ABCG1: variants seen among roughly 807,000 people sequenced by gnomAD.
The protein encoded by ABCG1 is ATP-binding cassette sub-family G member 1.
Under a neutral mutation model 69.2 loss-of-function variants are expected in ABCG1, and 29 were observed. That is an observed-to-expected ratio of 0.42 (90% CI 0.31 to 0.57). The LOEUF is 0.57. ABCG1 is among the 20% of genes least tolerant of loss of function. ABCG1 has a pLI of 0.15. For missense variants in ABCG1, 718 were observed against 898.1 expected, an observed-to-expected ratio of 0.80 and a Z score of 2.56; for synonymous variants, 370 against 374.8, an observed-to-expected ratio of 0.99 and a Z score of 0.15.
At chr21:42,253,999 G>A (rs2068263243) in intron 2 of ABCG1, among the ~76,000 whole-genome samples, 1 of 152,248 alleles carries the variant, frequency 6.6e-6, no homozygotes, top group South Asian at 2.1e-4. Flanking sequence ...AGGCAGGAAG[G>A]AGACAGCTGC....
chr21:42,215,568 C>T (rs142316746), upstream of ABCG1, among the ~76,000 whole-genome samples: 212 of 152,298 alleles, frequency 1.4e-3, no homozygotes, highest in Non-Finnish European at 2.0e-3. Context: ...GAGCACATCA[C>T]CCTGGCCTGT....
intron 2 of ABCG1, among the ~76,000 whole-genome samples, chr21:42,226,317 G>A (rs975976985): frequency 6.6e-6 from 1 of 152,180 alleles, no homozygotes; most frequent in Non-Finnish European, 1.5e-5. Flanking sequence ...CCTCCCAAGC[G>A]TGAAGTGTTA....
intron 11 of ABCG1, among the ~76,000 whole-genome samples, chr21:42,290,446 A>C (rs1353041602): frequency 3.3e-5 from 5 of 152,258 alleles, no homozygotes; most frequent in Non-Finnish European, 5.9e-5. Context: ...AAGACTTTTA[A>C]GCATGATGGA....
At position 42,296,196 on chromosome 21, in the gene ABCG1, A is replaced by G; in HGVS notation, c.1805A>G (p.Tyr602Cys). ...YGFEGVILSI[Y>C]GLDREDLHCD... ...TTCGAAGGGGTCATCCTCTCCATCT[A>G]TGGCTTAGACCGGGAAGATCTGCAC... The change falls in exon 15 of 15, where the codon TAT becomes TGT. Residue 602 changes from tyrosine to cysteine, a missense_variant. Physicochemically the swap from Tyr to Cys is radical, Grantham distance 194. This residue lies in a region of ABCG1 where 204 missense variants were observed against 323.8 expected (regional missense o/e 0.63). Transcript: ENST00000398449. This position sits in a 1 kb window ranked among gnomAD's most constrained non-coding sequence, Gnocchi z 5.4. The G allele has an allele frequency of 1.2e-6, 2 of 1,613,972 alleles. No homozygotes were observed. The highest frequency in any genetic ancestry group is 1.7e-6 in the Non-Finnish European group (2 of 1,179,986).
intron 2 of ABCG1, among the ~76,000 whole-genome samples, chr21:42,256,791 G>A (rs1028753284): frequency 1.3e-5 from 2 of 152,190 alleles, no homozygotes; most frequent in African/African-American, 2.4e-5. Context: ...TGAAGCCTTA[G>A]GTCCACTCTC....
At chr21:42,265,051 C>A (rs1314963226) in intron 2 of ABCG1, among the ~76,000 whole-genome samples, 1 of 152,252 alleles carries the variant, frequency 6.6e-6, no homozygotes, top group East Asian at 1.9e-4. Flanking sequence ...TTGTGCTGGC[C>A]CCCCATCCCC....
intron 2 of ABCG1, among the ~76,000 whole-genome samples, chr21:42,254,540 GTTC>G (rs971436128): frequency 4.9e-4 from 75 of 152,310 alleles, no homozygotes; most frequent in Middle Eastern, 3.4e-3. Context: ...CCTTCTTCCT[GTTC>G]TTCTTGTTGG....
chr21:42,294,793 G>A, intron 14 of ABCG1, 133 bp downstream of exon 14: 1 of 772,866 alleles, frequency 1.3e-6, no homozygotes, highest in Non-Finnish European at 2.3e-6. Flanking sequence ...TGAGGATCCA[G>A]GCCTTCCATC....
chr21:42,282,418 A>G lies in ABCG1; in HGVS notation c.733A>G (p.Ser245Gly), dbSNP rs747347107. Residue 245 changes from serine to glycine, a missense_variant and splice_region_variant, in exon 6 of 15, where the codon AGC (serine) becomes GGC (glycine). By Grantham distance (56) the Ser-to-Gly change is moderately conservative (BLOSUM62 0). Coordinates refer to ENST00000398449, the MANE Select transcript of ABCG1 (RefSeq NM_016818.3). Reference sequence around the variant, plus strand: ...AGTCATGTTCTTCGATGAGCCCACCAGGTAAGTCAGGAGCATCTGAGCTGG... The same window carrying G: ...AGTCATGTTCTTCGATGAGCCCACCGGGTAAGTCAGGAGCATCTGAGCTGG... ...PPVMFFDEPTSGLDSASCFQV... is the reference protein window; with the variant it reads ...PPVMFFDEPTGGLDSASCFQV... The G allele has an allele frequency of 1.1e-5, 17 of 1,610,746 alleles. No individual in the cohort carries two copies. The highest frequency in any genetic ancestry group is 2.5e-6 in the Non-Finnish European group (3 of 1,177,608).
At chr21:42,271,775 T>C (rs1192344702) in intron 3 of ABCG1, among the ~76,000 whole-genome samples, 1 of 152,104 alleles carries the variant, frequency 6.6e-6, no homozygotes, top group East Asian at 1.9e-4. Context: ...TCCCAGCTAC[T>C]TAGGAGGCTG....
chr21:42,256,392 C>G, intron 2 of ABCG1: 1 of 1,550,262 alleles, frequency 6.5e-7, no homozygotes, highest in Non-Finnish European at 8.7e-7. Flanking sequence ...ATTCTCTTGG[C>G]CAGACTGTGG....
chr21:42,203,181 GA>G (rs1184447071), intron 2 of ABCG1, among the ~76,000 whole-genome samples: 3 of 152,078 alleles, frequency 2.0e-5, no homozygotes, highest in African/African-American at 7.2e-5. Context: ...GGAGAATTTT[GA>G]AAGTTCTTCA....
At chr21:42,229,538 T>C (rs562616156) in intron 2 of ABCG1, among the ~76,000 whole-genome samples, 2 of 152,098 alleles carry the variant, frequency 1.3e-5, no homozygotes, top group African/African-American at 4.8e-5. Flanking sequence ...GCCAACATAG[T>C]GAAACCCTGT....
At chr21:42,237,885 G>A (rs1164133137) in intron 2 of ABCG1, among the ~76,000 whole-genome samples, 3 of 152,154 alleles carry the variant, frequency 2.0e-5, no homozygotes, top group Non-Finnish European at 4.4e-5. Flanking sequence ...TCTGGGTCAA[G>A]CAGCCTACTC....
intron 6 of ABCG1, among the ~76,000 whole-genome samples, chr21:42,282,935 G>A (rs1420631624): frequency 3.9e-5 from 6 of 151,940 alleles, no homozygotes; most frequent in Non-Finnish European, 8.8e-5. Context: ...CTATACCCAC[G>A]GGCGCTCTGA....
intron 1 of ABCG1, among the ~76,000 whole-genome samples, chr21:42,222,019 CT>C (rs910779051): frequency 6.6e-6 from 1 of 152,154 alleles, no homozygotes; most frequent in Non-Finnish European, 1.5e-5. Context: ...AACAGGGTCT[CT>C]TTGGCATTCC....
At chr21:42,285,589 G>A (rs1224252759) in intron 7 of ABCG1, among the ~76,000 whole-genome samples, 3 of 152,138 alleles carry the variant, frequency 2.0e-5, no homozygotes, top group South Asian at 2.1e-4. Context: ...GATAAAATGT[G>A]TATAGCTCCA....
upstream of ABCG1, among the ~76,000 whole-genome samples, chr21:42,214,998 A>G (rs1389266429): frequency 6.6e-6 from 1 of 152,238 alleles, no homozygotes; most frequent in African/African-American, 2.4e-5. Context: ...CCGGCCACAC[A>G]GTGAAGCACA....
chr21:42,291,730 G>T lies in ABCG1; in HGVS notation c.1653+74G>T. The T allele has an allele frequency of 2.7e-6, 4 of 1,461,292 alleles. No individual in the cohort carries two copies. Among genetic ancestry groups the T allele is most frequent in the South Asian group, 2.7e-5 (2 of 74,512 alleles). 90.5% of individuals were successfully genotyped at this position (1,461,292 alleles called of 1,614,324 possible). A position where few individuals can be genotyped will look rare whatever the true frequency, so the allele number is the denominator to read the frequency against. The stretch of plus-strand genomic sequence containing the variant: ...TGAGCTACCTTGGCCTGAGCTAGGG[G>T]GCTCTGCCACCCCTTCCCCTACTTC... On this transcript the variant is annotated intron_variant, in intron 13 of 14. Transcript: ENST00000398449. The surrounding 1 kb of genome is among the most constrained non-coding windows in gnomAD (Gnocchi z 6.4).
Sources: gnomAD v4.1 joint callset for allele counts (sites outside exome capture counted in the v4.1 genomes callset) on GRCh38, gnomAD v4.1.1 for gene constraint, gnomAD v4.1.1 regional missense constraint, Gnocchi (gnomAD v3.1) non-coding constraint, MANE v1.5 for transcripts, NCBI Gene and HGNC (gene_info 2026-07-23, HGNC 2026-07-21) for gene names.